SLC12A8: variants seen among roughly 807,000 people sequenced by gnomAD.
SLC12A8 encodes the protein solute carrier family 12 member 8.
SLC12A8 carries 69 observed loss-of-function variants against 75.6 expected under a neutral mutation model. The ratio of observed to expected loss-of-function variants is 0.91; its 90% CI spans 0.75 to 1.11. SLC12A8 has a LOEUF of 1.11. SLC12A8 is among the 50% of genes most tolerant of loss of function. SLC12A8 has a pLI of 0.00. For synonymous variants in SLC12A8, 365 were observed against 372.8 expected (o/e 0.98, Z 0.24); for missense variants, 877 against 896.7 (o/e 0.98, Z 0.28).
At chr3:125,209,987 T>C (rs1474306519) in intron 2 of SLC12A8, among the ~76,000 whole-genome samples, 1 of 152,206 alleles carries the variant, frequency 6.6e-6, no homozygotes, top group African/African-American at 2.4e-5. Flanking sequence ...GATGGATTTC[T>C]AAATCATGAA....
At position 125,177,781 on chromosome 3, in the gene SLC12A8, A is replaced by G. The variant is rs201533072; in HGVS notation, c.584T>C (p.Leu195Pro). 2,727 of 1,614,210 alleles carry G rather than the reference A, an allele frequency of 1.7e-3. 34 individuals are homozygous for G. The Admixed American group carries it at 0.024, about 14-fold the overall frequency. Residue 195 changes from leucine to proline, a missense_variant, in exon 5 of 14, where the codon CTG becomes CCG. Transcript: ENST00000469902. ...LLLFLLAVST[L>P]DFVVGSFTHL... Reference sequence around the variant, plus strand: ...GGTGAAAGAACCCACCACAAAGTCCAGTGTGGACACGGCCAGCAGGAACAG... The same window carrying G: ...GGTGAAAGAACCCACCACAAAGTCCGGTGTGGACACGGCCAGCAGGAACAG...
intron 6 of SLC12A8, chr3:125,125,868 T>C: frequency 1.1e-6 from 1 of 900,558 alleles, no homozygotes; most frequent in Non-Finnish European, 1.3e-6. Flanking sequence ...TAATGTGGGG[T>C]TACATACCCA....
chr3:125,153,894 C>G (rs1257614850), intron 5 of SLC12A8, among the ~76,000 whole-genome samples: 1 of 152,120 alleles, frequency 6.6e-6, no homozygotes, highest in Non-Finnish European at 1.5e-5. Context: ...GTTACAGGCG[C>G]GTGACACCAC....
At chr3:125,107,289 T>C (rs1480020305) in intron 10 of SLC12A8, among the ~76,000 whole-genome samples, 192 bp downstream of exon 10, 2 of 152,232 alleles carry the variant, frequency 1.3e-5, no homozygotes, top group African/African-American at 4.8e-5. Context: ...CTGTTTAAAA[T>C]TAACTATCTA....
chr3:125,163,257 AC>A (rs146310997), intron 5 of SLC12A8, among the ~76,000 whole-genome samples: 3,222 of 151,834 alleles, frequency 0.021, 55 homozygotes, highest in Middle Eastern at 0.048. Flanking sequence ...TCAATATCAC[AC>A]CACTGCACTC....
chr3:125,095,828 C>T (rs1938698219), intron 10 of SLC12A8, among the ~76,000 whole-genome samples: 1 of 152,200 alleles, frequency 6.6e-6, no homozygotes, highest in Non-Finnish European at 1.5e-5. Flanking sequence ...CACTGTAAAG[C>T]AAGTAAATAA....
chr3:125,182,298 C>T (rs1183282270), intron 4 of SLC12A8, among the ~76,000 whole-genome samples: 2 of 151,676 alleles, frequency 1.3e-5, no homozygotes, highest in African/African-American at 4.8e-5. Flanking sequence ...CTGCACTCCA[C>T]CCTAGGCAAC....
At chr3:125,099,652 G>A (rs1938813994) in intron 10 of SLC12A8, among the ~76,000 whole-genome samples, 1 of 152,190 alleles carries the variant, frequency 6.6e-6, no homozygotes, top group Admixed American at 6.5e-5. Context: ...CTAAAGGCCA[G>A]GTACAGTGGC....
At chr3:125,199,332 G>T (rs1935074921) in intron 2 of SLC12A8, among the ~76,000 whole-genome samples, 1 of 152,076 alleles carries the variant, frequency 6.6e-6, no homozygotes, top group Non-Finnish European at 1.5e-5. Flanking sequence ...AGTATGTGGG[G>T]TTTTTTATTG....
intron 4 of SLC12A8, among the ~76,000 whole-genome samples, chr3:125,182,933 C>T (rs190337389): frequency 5.1e-4 from 77 of 152,260 alleles, no homozygotes; most frequent in Non-Finnish European, 9.0e-4. Flanking sequence ...GGGGAAAGCT[C>T]TTTATTTTCA....
chr3:125,178,645 A>G (rs1934589623), intron 4 of SLC12A8, among the ~76,000 whole-genome samples: 1 of 152,240 alleles, frequency 6.6e-6, no homozygotes, highest in African/African-American at 2.4e-5. Context: ...AGTGGAACAT[A>G]TAACCCAAAA....
chr3:125,185,961 C>CT lies in SLC12A8; in HGVS notation c.390+1275dup, dbSNP rs534162505. 3.6e-3 allele frequency among the ~76,000 whole-genome samples: 543 copies of CT among 152,270 alleles called. 1 individual carries two copies. The highest frequency in any genetic ancestry group is 0.012 in the African/African-American group (504 of 41,548). On this transcript the variant is annotated intron_variant, in intron 4 of 13. Transcript: ENST00000469902. Reference sequence around the variant, plus strand: ...TAGAAAACATCTTATCTGTGAACATCTTTTTTCCAAATCAGCCCATGTAAG... The same window carrying CT: ...TAGAAAACATCTTATCTGTGAACATCTTTTTTTCCAAATCAGCCCATGTAAG...
intron 5 of SLC12A8, among the ~76,000 whole-genome samples, chr3:125,167,445 C>G (rs1178638494): frequency 6.6e-6 from 1 of 152,176 alleles, no homozygotes; most frequent in African/African-American, 2.4e-5. Flanking sequence ...AGCACCCAGC[C>G]TTAAAAATTT....
At chr3:125,139,501 C>G (rs916288754) in intron 5 of SLC12A8, among the ~76,000 whole-genome samples, 1 of 152,194 alleles carries the variant, frequency 6.6e-6, no homozygotes. Flanking sequence ...ATCACCACCC[C>G]ACCTCACGGT....
chr3:125,083,845 C>T lies in SLC12A8; in HGVS notation c.*45G>A. 1 of 1,577,064 alleles carries T rather than the reference C, an allele frequency of 6.3e-7. No homozygotes were observed. The highest frequency in any genetic ancestry group is 8.6e-7 in the Non-Finnish European group (1 of 1,159,208). On this transcript the variant is annotated 3_prime_UTR_variant, in exon 14 of 14. Coordinates refer to ENST00000469902, the MANE Select transcript of SLC12A8 (RefSeq NM_024628.6). ...CACGAAGGTCCTGAGCTTGGGTCCA[C>T]TGTACATGGGACAGCTCCAAAAGAG...
At chr3:125,112,868 T>C (rs1939221973) in intron 8 of SLC12A8, among the ~76,000 whole-genome samples, 1 of 152,078 alleles carries the variant, frequency 6.6e-6, no homozygotes, top group Non-Finnish European at 1.5e-5. Flanking sequence ...GTGGTTGAGT[T>C]TAAGAAAGCC....
At chr3:125,172,965 A>G (rs1253314331) in intron 5 of SLC12A8, among the ~76,000 whole-genome samples, 27 of 152,144 alleles carry the variant, frequency 1.8e-4, no homozygotes, top group Admixed American at 1.8e-3. Context: ...GATCACCTGA[A>G]GTCAGGAGTT....
intron 4 of SLC12A8, among the ~76,000 whole-genome samples, chr3:125,185,405 A>G (rs144430362): frequency 2.0e-5 from 3 of 152,176 alleles, no homozygotes; most frequent in Non-Finnish European, 2.9e-5. Flanking sequence ...GATATAAACT[A>G]TCAAAACTAA....
intron 5 of SLC12A8, among the ~76,000 whole-genome samples, chr3:125,158,548 G>A (rs993595345): frequency 2.6e-5 from 4 of 152,062 alleles, no homozygotes; most frequent in African/African-American, 9.7e-5. Context: ...AATTATAAGT[G>A]TATCCAACTA....
Sources: gnomAD v4.1 joint callset for allele counts (sites outside exome capture counted in the v4.1 genomes callset) on GRCh38, gnomAD v4.1.1 for gene constraint, MANE v1.5 for transcripts, NCBI Gene and HGNC (gene_info 2026-07-23, HGNC 2026-07-21) for gene names.